The following PSD3 variants were observed in gnomAD, a reference collection of about 807,000 sequenced individuals.
PSD3 encodes pleckstrin and Sec7 domain containing 3, also known as PH and SEC7 domain-containing protein 3.
In PSD3, 49 loss-of-function variants were observed where a neutral mutation model predicts 105.5. The observed-to-expected ratio is 0.46, with a 90% CI of 0.37 to 0.59. PSD3 has a LOEUF of 0.59. PSD3 is among the 20% of genes least tolerant of loss of function. PSD3 has a pLI of 0.00. For missense variants in PSD3, 1,561 were observed against 1,263.8 expected (o/e 1.24, Z -3.57); for synonymous variants, 557 against 457.8 (o/e 1.22, Z -2.77).
intron 8 of PSD3, among the ~76,000 whole-genome samples, chr8:18,775,691 C>A (rs1266917410): frequency 1.3e-5 from 2 of 152,026 alleles, no homozygotes; most frequent in African/African-American, 4.8e-5. Flanking sequence ...GTTATTTGAC[C>A]ATTTGCTGTT....
At chr8:19,053,554 T>A (rs937857854) in intron 1 of PSD3, among the ~76,000 whole-genome samples, 11 of 152,054 alleles carry the variant, frequency 7.2e-5, no homozygotes, top group African/African-American at 2.7e-4. Flanking sequence ...ATCCCAGCAC[T>A]TTTGGAGGCC....
chr8:18,675,786 T>A (rs1407667939), intron 9 of PSD3, among the ~76,000 whole-genome samples: 1 of 152,158 alleles, frequency 6.6e-6, no homozygotes, highest in Non-Finnish European at 1.5e-5. Context: ...AAGAGCAACT[T>A]CCATCATAAA....
intron 1 of PSD3, among the ~76,000 whole-genome samples, chr8:18,939,901 A>T (rs994095626): frequency 3.9e-5 from 6 of 152,190 alleles, no homozygotes; most frequent in African/African-American, 1.4e-4. Flanking sequence ...TATAAGTAAA[A>T]ATACCAGAGC....
chr8:18,611,025 C>A (rs1264294164), intron 11 of PSD3, among the ~76,000 whole-genome samples: 3 of 152,092 alleles, frequency 2.0e-5, no homozygotes, highest in African/African-American at 7.2e-5. Context: ...AGGACACATA[C>A]CCTACCCCTA....
chr8:18,587,454 T>A (rs984413577), intron 12 of PSD3, among the ~76,000 whole-genome samples: 1 of 152,106 alleles, frequency 6.6e-6, no homozygotes, highest in Admixed American at 6.6e-5. Context: ...TGCTTGCTAC[T>A]CCCCCTCCAG....
At chr8:18,551,712 G>C (rs780526671) in intron 15 of PSD3, among the ~76,000 whole-genome samples, 6 of 152,108 alleles carry the variant, frequency 3.9e-5, no homozygotes, top group Non-Finnish European at 8.8e-5. Context: ...TAAGTCAAGT[G>C]ACCTTTATTC....
At chr8:18,800,108 C>T (rs550793996) in intron 7 of PSD3, among the ~76,000 whole-genome samples, 36 of 152,212 alleles carry the variant, frequency 2.4e-4, no homozygotes, top group African/African-American at 7.7e-4. Context: ...AACAAATTCT[C>T]GAAAGTATTT....
chr8:18,884,217 T>G (rs1818306771), intron 2 of PSD3, among the ~76,000 whole-genome samples: 1 of 152,068 alleles, frequency 6.6e-6, no homozygotes, highest in African/African-American at 2.4e-5. Flanking sequence ...AAAAAAAATC[T>G]CAAATGCATT....
intron 11 of PSD3, among the ~76,000 whole-genome samples, chr8:18,615,855 C>G (rs144949821): frequency 6.6e-6 from 1 of 152,254 alleles, no homozygotes; most frequent in East Asian, 1.9e-4. Context: ...CTGCTGTGCA[C>G]GCATTTCTAC....
At chr8:18,665,974 G>A (rs1284978348) in intron 9 of PSD3, among the ~76,000 whole-genome samples, 1 of 152,198 alleles carries the variant, frequency 6.6e-6, no homozygotes, top group Non-Finnish European at 1.5e-5. Context: ...CAACATCAAG[G>A]TGAGACCCTC....
chr8:18,672,894 C>G (rs971706205), intron 9 of PSD3, among the ~76,000 whole-genome samples: 2 of 152,028 alleles, frequency 1.3e-5, no homozygotes, highest in African/African-American at 4.8e-5. Context: ...TTAAGATAAA[C>G]AAAAGCCATT....
At position 18,597,155 on chromosome 8, in the gene PSD3, G is replaced by A. The variant is rs200638700; in HGVS notation, c.2481+3209C>T. Among the ~76,000 whole-genome samples, 48 of 39,324 alleles carry A rather than the reference G, an allele frequency of 1.2e-3. 22 individuals are homozygous for A. In the East Asian group the frequency reaches 0.075, roughly 61 times the overall value. The allele number at this position is 39,324 out of a possible 152,430, so 25.8% of individuals were successfully genotyped here. The stretch of plus-strand genomic sequence containing the variant: ...ACAAACCTGAGAAAAACAAACAATG[G>A]GGAAAGGATTCCCTGTTTAATAAAT... On this transcript the variant is annotated intron_variant, in intron 12 of 15. Coordinates refer to ENST00000327040, the MANE Select transcript of PSD3 (RefSeq NM_015310.4).
At chr8:18,659,791 A>G (rs1405491553) in intron 9 of PSD3, among the ~76,000 whole-genome samples, 1 of 152,210 alleles carries the variant, frequency 6.6e-6, no homozygotes. Context: ...TTTAGGACCA[A>G]AGGCATTTGT....
chr8:19,054,861 T>C (rs1267322204), intron 1 of PSD3, among the ~76,000 whole-genome samples: 2 of 152,180 alleles, frequency 1.3e-5, no homozygotes, highest in African/African-American at 4.8e-5. Context: ...AATTAGAATA[T>C]CATATACATT....
chr8:19,036,518 A>G (rs1827948810), intron 1 of PSD3, among the ~76,000 whole-genome samples: 1 of 152,226 alleles, frequency 6.6e-6, no homozygotes. Flanking sequence ...TAATAGGTAA[A>G]GTATTTTACA....
chr8:18,657,438 G>C (rs906179912), intron 9 of PSD3, among the ~76,000 whole-genome samples: 2 of 152,114 alleles, frequency 1.3e-5, no homozygotes, highest in African/African-American at 2.4e-5. Context: ...TATTACAGTA[G>C]CTAATAAAAA....
At chr8:18,598,766 GGAAAT>G (rs1467658197) in intron 12 of PSD3, among the ~76,000 whole-genome samples, 1 of 151,762 alleles carries the variant, frequency 6.6e-6, no homozygotes, top group African/African-American at 2.4e-5. Flanking sequence ...AATCTGAAAA[GGAAAT>G]GAATAATACC....
chr8:18,682,003 C>CA (rs10612158), intron 9 of PSD3, among the ~76,000 whole-genome samples: 5,521 of 115,440 alleles, frequency 0.048, 150 homozygotes, highest in African/African-American at 0.089. Flanking sequence ...TTGCAATATT[C>CA]AAAAAAAAAA....
chr8:18,558,238 C>A (rs771265929), intron 14 of PSD3, among the ~76,000 whole-genome samples: 1 of 152,116 alleles, frequency 6.6e-6, no homozygotes, highest in Non-Finnish European at 1.5e-5. Context: ...AAGTTGTTTT[C>A]CTTTGTGTAT....
Sources: allele counts gnomAD v4.1 joint callset (sites outside exome capture counted in the v4.1 genomes callset), GRCh38; gene constraint gnomAD v4.1.1; transcripts MANE v1.5; gene names NCBI Gene and HGNC (gene_info 2026-07-23, HGNC 2026-07-21).